The following ATP10A variants were observed in gnomAD, a reference collection of about 807,000 sequenced individuals.
The protein encoded by ATP10A is phospholipid-transporting ATPase VA.
In ATP10A, 111 loss-of-function variants were observed where a neutral mutation model predicts 147.8. The observed-to-expected ratio is 0.75, with a 90% CI of 0.64 to 0.88. The LOEUF (loss-of-function observed/expected upper bound fraction) is 0.88, where lower values mean the gene tolerates loss of function less well. ATP10A is among the 40% of genes least tolerant of loss of function. ATP10A has a pLI of 0.00. For missense variants in ATP10A, 1,927 were observed against 1,959.0 expected (o/e 0.98, Z 0.31); for synonymous variants, 875 against 841.6 (o/e 1.04, Z -0.69).
intron 2 of ATP10A, 34 bp downstream of exon 2, chr15:25,780,985 T>C: frequency 1.2e-6 from 2 of 1,606,434 alleles, no homozygotes; most frequent in African/African-American, 2.7e-5. Flanking sequence ...GTGGCTGTAA[T>C]GCCTGCAAGG....
chr15:25,712,960 T>C (rs1901534415), intron 10 of ATP10A, among the ~76,000 whole-genome samples: 2 of 152,198 alleles, frequency 1.3e-5, no homozygotes, highest in African/African-American at 4.8e-5. Flanking sequence ...AAGTACTCCC[T>C]AGCTCCAACT....
intron 3 of ATP10A, among the ~76,000 whole-genome samples, chr15:25,733,363 C>T (rs184714973): frequency 5.9e-5 from 9 of 152,066 alleles, no homozygotes; most frequent in Non-Finnish European, 1.3e-4. Flanking sequence ...GGACGGATAG[C>T]GTTACCAGGC....
intron 1 of ATP10A, among the ~76,000 whole-genome samples, chr15:25,813,262 T>C (rs939733527): frequency 1.1e-4 from 16 of 152,144 alleles, no homozygotes; most frequent in African/African-American, 3.9e-4. Flanking sequence ...AAGGTAGAAA[T>C]TCACAGGTCA....
At chr15:25,834,018 G>A (rs886226111) in intron 1 of ATP10A, among the ~76,000 whole-genome samples, 5 of 151,600 alleles carry the variant, frequency 3.3e-5, no homozygotes, top group African/African-American at 1.2e-4. Context: ...CTCTCAGCAA[G>A]TATACAATAC....
At chr15:25,783,613 T>C (rs931984926) in intron 1 of ATP10A, among the ~76,000 whole-genome samples, 9 of 152,316 alleles carry the variant, frequency 5.9e-5, no homozygotes, top group African/African-American at 1.4e-4. Flanking sequence ...AAACCAGTTA[T>C]GTACAAAGCA....
intron 1 of ATP10A, among the ~76,000 whole-genome samples, chr15:25,807,327 G>T (rs945476489): frequency 2.0e-5 from 3 of 152,206 alleles, no homozygotes; most frequent in Admixed American, 2.0e-4. Context: ...CCCTTCTGCG[G>T]CTAGGGGCTG....
intron 1 of ATP10A, among the ~76,000 whole-genome samples, chr15:25,848,518 T>C (rs1431504532): frequency 1.3e-5 from 2 of 152,132 alleles, no homozygotes; most frequent in Non-Finnish European, 2.9e-5. Flanking sequence ...GTCAAAACGA[T>C]GGTTTCGGCA....
At chr15:25,861,505 C>A (rs1893757552) in intron 1 of ATP10A, among the ~76,000 whole-genome samples, 1 of 152,158 alleles carries the variant, frequency 6.6e-6, no homozygotes. Flanking sequence ...CAGAGGCACG[C>A]ATCCATGGCT....
At chr15:25,710,251 A>T (rs964529479) in intron 10 of ATP10A, 1 of 152,216 alleles carries the variant, frequency 6.6e-6, no homozygotes, top group African/African-American at 2.4e-5. Context: ...GAGGAGTGAC[A>T]CCACCTGAGG....
At chr15:25,777,064 T>TGTGTGTGTGCATGC (rs1305521647) in intron 2 of ATP10A, among the ~76,000 whole-genome samples, 3 of 151,458 alleles carry the variant, frequency 2.0e-5, no homozygotes, top group Non-Finnish European at 2.9e-5. Context: ...GTGGGGTGTG[T>TGTGTGTGTGCATGC]GTGTGTGTGC....
intron 12 of ATP10A, among the ~76,000 whole-genome samples, chr15:25,705,440 C>CAAAAAAAAAAAAAAGAAAAAAAAAAAAAA (rs67294220): frequency 1.2e-5 from 1 of 86,222 alleles, no homozygotes; most frequent in Non-Finnish European, 2.2e-5. Flanking sequence ...TGTCTCAAAG[C>CAAAAAAAAAAAAAAGAAAAAAAAAAAAAA]AAAAAAAAAA....
intron 1 of ATP10A, 189 bp downstream of exon 1, chr15:25,862,459 A>T: frequency 1.4e-6 from 1 of 708,700 alleles, no homozygotes; most frequent in Non-Finnish European, 2.4e-6. Context: ...GCTGCGGCGG[A>T]GGCACAGAGA....
chr15:25,800,263 G>T lies in ATP10A; in HGVS notation c.450-19040C>A, dbSNP rs529165763. 2.6e-5 allele frequency among the ~76,000 whole-genome samples: 4 copies of T among 152,262 alleles called. No homozygotes were observed. In the South Asian group the frequency reaches 6.2e-4, roughly 24 times the overall value. ...ATTGCTGAGTTTTCTTTGGCTGCAG[G>T]TTCCCGTAGGGCTTCAGTGAGTTTT... On this transcript the variant is annotated intron_variant, in intron 1 of 20. Transcript: ENST00000555815.
chr15:25,837,803 C>T (rs548027028), intron 1 of ATP10A, among the ~76,000 whole-genome samples: 7 of 152,236 alleles, frequency 4.6e-5, no homozygotes, highest in Admixed American at 2.0e-4. Flanking sequence ...TCTGGGCTAA[C>T]GGAAGGGGAA....
At chr15:25,722,632 C>A (rs1902314010) in intron 6 of ATP10A, among the ~76,000 whole-genome samples, 1 of 152,222 alleles carries the variant, frequency 6.6e-6, no homozygotes. Context: ...CAAACACCAG[C>A]TACAGTCCTA....
Position 25,713,887 on chromosome 15 carries a change from T to C in ATP10A, c.2131A>G (p.Asn711Asp). The C allele has an allele frequency of 6.2e-7, 1 of 1,613,726 alleles. No individual in the cohort carries two copies. Among genetic ancestry groups the C allele is most frequent in the Non-Finnish European group, 8.5e-7 (1 of 1,180,048 alleles). ...TGCAGCCGCTCCACAAGCACGCAGT[T>C]GTAGGCTCTGGCCGCATACACCAGT... ...AALVYAARAY[N>D]CVLVERLHDQ... is the part of the protein sequence containing the mutation. Residue 711 changes from asparagine to aspartate, a missense_variant, in exon 10 of 21, where the codon AAC becomes GAC. By Grantham distance (23) the Asn-to-Asp change is conservative. Coordinates refer to ENST00000555815, the MANE Select transcript of ATP10A (RefSeq NM_024490.4).
chr15:25,772,974 C>T (rs1276621467), intron 2 of ATP10A, among the ~76,000 whole-genome samples: 1 of 152,112 alleles, frequency 6.6e-6, no homozygotes, highest in Non-Finnish European at 1.5e-5. Context: ...CCTTGGCACA[C>T]GGATTATTCA....
At chr15:25,773,390 G>C (rs1036492265) in intron 2 of ATP10A, among the ~76,000 whole-genome samples, 5 of 152,112 alleles carry the variant, frequency 3.3e-5, no homozygotes, top group African/African-American at 1.2e-4. Flanking sequence ...TGGACACAAG[G>C]AAGTTCCCTC....
At chr15:25,680,504 A>T (rs61666781) in intron 19 of ATP10A, among the ~76,000 whole-genome samples, 196 bp from the exon 20 acceptor site, 12,088 of 152,172 alleles carry the variant, frequency 0.079, 579 homozygotes, top group Middle Eastern at 0.14. Context: ...GGAGATGCAC[A>T]TGAGGTGAGA....
Sources: gnomAD v4.1 joint callset for allele counts (sites outside exome capture counted in the v4.1 genomes callset) on GRCh38, gnomAD v4.1.1 for gene constraint, MANE v1.5 for transcripts, NCBI Gene and HGNC (gene_info 2026-07-23, HGNC 2026-07-21) for gene names.